The following HLCS variants were observed in gnomAD, a reference collection of about 807,000 sequenced individuals.
HLCS encodes the protein holocarboxylase synthetase.
In HLCS, 53 loss-of-function variants were observed where a neutral mutation model predicts 75.0. The observed-to-expected ratio is 0.71, with a 90% CI of 0.57 to 0.89. HLCS has a LOEUF of 0.89. Ranked by LOEUF, HLCS falls within the 40% of genes least tolerant of loss-of-function variation. The pLI, the probability that HLCS is intolerant of heterozygous loss-of-function variation, is 0.00. For synonymous variants in HLCS, 431 were observed against 428.6 expected, an observed-to-expected ratio of 1.01 and a Z score of -0.07; for missense variants, 966 against 1,074.0, an observed-to-expected ratio of 0.90 and a Z score of 1.41.
At chr21:36,839,760 A>C (rs1237961451) in intron 6 of HLCS, among the ~76,000 whole-genome samples, 2 of 152,246 alleles carry the variant, frequency 1.3e-5, no homozygotes, top group East Asian at 3.8e-4. Flanking sequence ...CAGACAGAAG[A>C]ACCTTCAAAC....
chr21:36,801,396 C>G (rs3787755), intron 6 of HLCS, among the ~76,000 whole-genome samples: 44,831 of 152,114 alleles, frequency 0.29, 6,794 homozygotes, highest in South Asian at 0.32. Flanking sequence ...TTATAACAAT[C>G]GGAGAGGTTA....
intron 6 of HLCS, among the ~76,000 whole-genome samples, chr21:36,832,346 G>A (rs1017749985): frequency 2.6e-5 from 4 of 152,186 alleles, no homozygotes; most frequent in Non-Finnish European, 5.9e-5. Flanking sequence ...AAATTACACA[G>A]CACAGAGAAT....
intron 6 of HLCS, among the ~76,000 whole-genome samples, chr21:36,770,627 G>A (rs2060176129): frequency 6.7e-6 from 1 of 149,014 alleles, no homozygotes; most frequent in African/African-American, 2.5e-5. Flanking sequence ...TGTCATCTCA[G>A]CTAGAGTGCA....
At chr21:36,769,412 C>A (rs1440930325) in intron 6 of HLCS, among the ~76,000 whole-genome samples, 1 of 152,212 alleles carries the variant, frequency 6.6e-6, no homozygotes, top group Non-Finnish European at 1.5e-5. Context: ...GAAAATGAAG[C>A]TGCTTGAGTT....
intron 6 of HLCS, among the ~76,000 whole-genome samples, chr21:36,781,976 G>A (rs1164042051): frequency 7.2e-6 from 1 of 138,668 alleles, no homozygotes; most frequent in Admixed American, 7.6e-5. Context: ...ACATATTAAT[G>A]AGTTAAGAGA....
At position 36,763,391 on chromosome 21, in the gene HLCS, T is replaced by C. The variant is rs530081338; in HGVS notation, c.2121+1621A>G. Among the ~76,000 whole-genome samples, 5 of 152,248 alleles carry C rather than the reference T, an allele frequency of 3.3e-5. No homozygotes were observed. In the East Asian group the frequency reaches 9.7e-4, roughly 29 times the overall value. ...AGGCCGGGCACCTGAAGCCCTGTAA[T>C]GGTGTGATGCCCCCAAACCATCAGA... is the stretch of plus-strand genomic sequence containing the variant. On this transcript the variant is annotated intron_variant, in intron 8 of 10. Transcript: ENST00000674895.
At chr21:36,946,217 G>A (rs778530248) in intron 2 of HLCS, 4 of 284,760 alleles carry the variant, frequency 1.4e-5, no homozygotes, top group Non-Finnish European at 2.1e-5. Context: ...GCCCTCCAAG[G>A]CTCAATCCTA....
Position 36,818,601 on chromosome 21 carries a change from T to C in HLCS, c.1893-51316A>G, listed in dbSNP as rs1008116994. ...TCACAAGCGAGCTTAAATAGCGTTA[T>C]TATGTGCCTACGCTGGGGGAGGATG... On this transcript the variant is annotated intron_variant, in intron 6 of 10. Coordinates refer to ENST00000674895, the MANE Select transcript of HLCS (RefSeq NM_001352514.2). Among the ~76,000 whole-genome samples the C allele has an allele frequency of 2.0e-5, 3 of 152,202 alleles. No homozygotes were observed. The East Asian group carries it at 5.8e-4, about 29-fold the overall frequency.
At chr21:36,963,834 A>T (rs2068434381) in intron 1 of HLCS, among the ~76,000 whole-genome samples, 1 of 152,272 alleles carries the variant, frequency 6.6e-6, no homozygotes, top group East Asian at 1.9e-4. Flanking sequence ...CAATTTGTAT[A>T]AACTGTCTTT....
intron 6 of HLCS, among the ~76,000 whole-genome samples, chr21:36,845,480 A>T (rs1042087248): frequency 6.6e-6 from 1 of 152,124 alleles, no homozygotes; most frequent in Non-Finnish European, 1.5e-5. Flanking sequence ...CGTAAATACA[A>T]CGGCAAACTG....
chr21:36,882,293 A>G (rs2064255681), intron 6 of HLCS, among the ~76,000 whole-genome samples: 1 of 151,906 alleles, frequency 6.6e-6, no homozygotes, highest in East Asian at 1.9e-4. Flanking sequence ...GAAAAAAAAA[A>G]TTAAGCCACA....
intron 6 of HLCS, among the ~76,000 whole-genome samples, chr21:36,855,805 T>C (rs1378398009): frequency 1.3e-5 from 2 of 152,108 alleles, no homozygotes; most frequent in Non-Finnish European, 2.9e-5. Flanking sequence ...CTCAAACTCT[T>C]GAGCTCAAGT....
intron 6 of HLCS, among the ~76,000 whole-genome samples, chr21:36,828,097 G>A (rs2062072669): frequency 6.6e-6 from 1 of 152,140 alleles, no homozygotes; most frequent in African/African-American, 2.4e-5. Flanking sequence ...ACAGGTGTGA[G>A]CCACCATACC....
chr21:36,855,165 CTTT>C (rs1367400024), intron 6 of HLCS, among the ~76,000 whole-genome samples: 3 of 151,922 alleles, frequency 2.0e-5, no homozygotes, highest in Admixed American at 2.0e-4. Context: ...ATATTATTTT[CTTT>C]AACTTTTTAT....
intron 6 of HLCS, among the ~76,000 whole-genome samples, chr21:36,850,720 G>A (rs138473773): frequency 4.3e-4 from 66 of 152,336 alleles, no homozygotes; most frequent in African/African-American, 1.6e-3. Flanking sequence ...CGGGGGACAA[G>A]TCCTGAGTCC....
At chr21:36,877,985 C>T (rs2064050578) in intron 6 of HLCS, among the ~76,000 whole-genome samples, 2 of 152,146 alleles carry the variant, frequency 1.3e-5, no homozygotes, top group African/African-American at 4.8e-5. Context: ...ATGCTGTTTT[C>T]CTCAGATTAC....
At chr21:36,786,958 G>T (rs1601243810) in intron 6 of HLCS, among the ~76,000 whole-genome samples, 2 of 152,310 alleles carry the variant, frequency 1.3e-5, no homozygotes, top group African/African-American at 4.8e-5. Context: ...CTTCGGCAGG[G>T]GTGGTCGGGG....
At chr21:36,834,564 C>CTT (rs67083316) in intron 6 of HLCS, among the ~76,000 whole-genome samples, 2 of 150,422 alleles carry the variant, frequency 1.3e-5, no homozygotes, top group South Asian at 2.1e-4. Flanking sequence ...CCAGCAAACA[C>CTT]TTTTTTTTTT....
chr21:36,770,818 T>G (rs1340940041), intron 6 of HLCS, among the ~76,000 whole-genome samples: 3 of 149,860 alleles, frequency 2.0e-5, no homozygotes, highest in Admixed American at 1.3e-4. Context: ...TTATTTTGAA[T>G]TTTTTTTGGA....
Sources: allele counts gnomAD v4.1 joint callset (sites outside exome capture counted in the v4.1 genomes callset), GRCh38; gene constraint gnomAD v4.1.1; transcripts MANE v1.5; gene names NCBI Gene and HGNC (gene_info 2026-07-23, HGNC 2026-07-21).